ECT2L: variants seen among roughly 807,000 people sequenced by gnomAD.
The protein encoded by ECT2L is epithelial cell-transforming sequence 2 oncogene-like.
Under a neutral mutation model 122.8 loss-of-function variants are expected in ECT2L, and 126 were observed. The observed-to-expected ratio is 1.03, with a 90% CI of 0.89 to 1.19. ECT2L has a LOEUF of 1.19. ECT2L is among the 50% of genes most tolerant of loss of function. The pLI is 0.00. For missense variants in ECT2L, 1,012 were observed against 1,064.1 expected (o/e 0.95, Z 0.68); for synonymous variants, 385 against 381.8 (o/e 1.01, Z -0.10).
chr6:138,867,847 A>AAATG (rs1778101393), intron 12 of ECT2L, among the ~76,000 whole-genome samples: 2 of 151,418 alleles, frequency 1.3e-5, no homozygotes, highest in African/African-American at 2.4e-5. Context: ...ATAAATAAAT[A>AAATG]AAAGTTAAAA....
intron 4 of ECT2L, among the ~76,000 whole-genome samples, chr6:138,837,963 C>T (rs962575328): frequency 1.1e-4 from 16 of 150,980 alleles, no homozygotes; most frequent in African/African-American, 3.4e-4. Flanking sequence ...TGCAGTAGCA[C>T]GGTCTCGGCT....
chr6:138,882,610 A>G, intron 15 of ECT2L, 114 bp from the exon 16 acceptor site: 1 of 1,300,592 alleles, frequency 7.7e-7, no homozygotes, highest in Non-Finnish European at 1.1e-6. Flanking sequence ...GACTTGACCA[A>G]AACCCTACCG....
At chr6:138,894,220 C>G (rs2128413075) in intron 20 of ECT2L, among the ~76,000 whole-genome samples, 1 of 152,212 alleles carries the variant, frequency 6.6e-6, no homozygotes, top group Non-Finnish European at 1.5e-5. Flanking sequence ...CCACACCCAG[C>G]TAAGTTTTGT....
chr6:138,836,566 G>A (rs578061730), intron 4 of ECT2L, among the ~76,000 whole-genome samples: 1 of 152,104 alleles, frequency 6.6e-6, no homozygotes, highest in South Asian at 2.1e-4. Context: ...GGGATTACAG[G>A]CGTGAGCCAC....
intron 12 of ECT2L, among the ~76,000 whole-genome samples, chr6:138,865,720 C>T (rs910865678): frequency 1.3e-5 from 2 of 152,172 alleles, no homozygotes; most frequent in Admixed American, 6.5e-5. Context: ...CAATTTACTT[C>T]CTCAACTTTG....
chr6:138,885,705 A>C lies in ECT2L; in HGVS notation c.2134A>C (p.Arg712=), dbSNP rs1778798208. 1 of 1,614,068 alleles carries C rather than the reference A, an allele frequency of 6.2e-7. No homozygotes were observed. Among genetic ancestry groups the C allele is most frequent in the African/African-American group, 1.3e-5 (1 of 74,932 alleles). Reference sequence around the variant, plus strand: ...AGAGCTGCTGCTGTACCCATCCCGAAGATTTGAAGAATACCTTAATCTTCT... The same window carrying C: ...AGAGCTGCTGCTGTACCCATCCCGACGATTTGAAGAATACCTTAATCTTCT... ...LPELLLYPSR[R]FEEYLNLLYA... The change falls in exon 18 of 22, where the codon AGA becomes CGA. Residue 712 remains arginine (R), a synonymous_variant. Transcript: ENST00000541398.
At chr6:138,819,137 T>C (rs1050852423) in intron 4 of ECT2L, among the ~76,000 whole-genome samples, 1 of 152,076 alleles carries the variant, frequency 6.6e-6, no homozygotes, top group African/African-American at 2.4e-5. Flanking sequence ...ATTCTGCACA[T>C]GTTCCTGCCC....
At chr6:138,817,424 A>C (rs1323273511) in intron 4 of ECT2L, among the ~76,000 whole-genome samples, 1 of 152,246 alleles carries the variant, frequency 6.6e-6, no homozygotes, top group African/African-American at 2.4e-5. Flanking sequence ...GAAAGAAATT[A>C]GTATTATTTG....
chr6:138,873,622 C>T (rs886878611), intron 13 of ECT2L, among the ~76,000 whole-genome samples: 45 of 152,122 alleles, frequency 3.0e-4, no homozygotes, highest in African/African-American at 8.9e-4. Context: ...GGTGAAACCC[C>T]GTCTCTACTA....
At chr6:138,883,747 A>G (rs1200062554) in intron 16 of ECT2L, among the ~76,000 whole-genome samples, 1 of 152,266 alleles carries the variant, frequency 6.6e-6, no homozygotes, top group Non-Finnish European at 1.5e-5. Flanking sequence ...GCAAAGTATC[A>G]CATGGTATCA....
At chr6:138,896,054 T>A (rs527531933) in intron 20 of ECT2L, among the ~76,000 whole-genome samples, 1 of 150,118 alleles carries the variant, frequency 6.7e-6, no homozygotes, top group Non-Finnish European at 1.5e-5. Flanking sequence ...AACTTCTGTA[T>A]TATCGTTTTT....
intron 16 of ECT2L, among the ~76,000 whole-genome samples, chr6:138,884,280 T>G (rs79951515): frequency 0.021 from 3,219 of 152,316 alleles, 107 homozygotes; most frequent in African/African-American, 0.073. Context: ...GCTGACATCT[T>G]TCAGGCATGG....
chr6:138,899,889 C>T (rs764836506), intron 20 of ECT2L, among the ~76,000 whole-genome samples: 6 of 152,292 alleles, frequency 3.9e-5, no homozygotes, highest in Non-Finnish European at 7.3e-5. Flanking sequence ...CACTGCTCGG[C>T]TAGAACACTC....
intron 5 of ECT2L, among the ~76,000 whole-genome samples, chr6:138,841,060 G>A (rs9495271): frequency 0.18 from 27,587 of 151,926 alleles, 2,601 homozygotes; most frequent in East Asian, 0.25. Context: ...CATCCATTGA[G>A]TTCTAAATTT....
chr6:138,846,411 T>A, intron 7 of ECT2L, 128 bp from the exon 8 acceptor site: 1 of 759,704 alleles, frequency 1.3e-6, no homozygotes, highest in South Asian at 3.3e-5. Flanking sequence ...AAACACAGGG[T>A]GAGGCTAAGG....
intron 4 of ECT2L, among the ~76,000 whole-genome samples, chr6:138,830,579 C>T (rs1233685440): frequency 2.6e-5 from 4 of 152,222 alleles, no homozygotes; most frequent in Middle Eastern, 6.8e-3. Flanking sequence ...CTTTTAAGTC[C>T]GTATAGCTGC....
intron 20 of ECT2L, among the ~76,000 whole-genome samples, chr6:138,896,352 T>C (rs1404244113): frequency 6.6e-6 from 1 of 152,138 alleles, no homozygotes; most frequent in East Asian, 1.9e-4. Context: ...AGCCATCCAC[T>C]TCCCAGGCCA....
chr6:138,832,459 G>A (rs1776678967), intron 4 of ECT2L, among the ~76,000 whole-genome samples: 1 of 152,022 alleles, frequency 6.6e-6, no homozygotes, highest in Non-Finnish European at 1.5e-5. Flanking sequence ...GAACCCCTTG[G>A]GTTTCTTATT....
At position 138,812,739 on chromosome 6, in the gene ECT2L, A is replaced by C. The variant is rs527552869; in HGVS notation, c.-243-99A>C. 7 of 152,530 alleles carry C rather than the reference A, an allele frequency of 4.6e-5. No homozygotes were observed. The South Asian group carries it at 1.0e-3, about 23-fold the overall frequency. The allele number at this position is 152,530 out of a possible 1,614,324, so 9.4% of individuals were successfully genotyped here. ...AGAATGGATTGAACCCGGGAGGCGG[A>C]GGTTGTAGTGAGCCAAGATCGCTCC... On this transcript the variant is annotated intron_variant, in intron 1 of 21. Coordinates refer to ENST00000541398, the MANE Select transcript of ECT2L (RefSeq NM_001077706.3).
Sources: gnomAD v4.1 joint callset for allele counts (sites outside exome capture counted in the v4.1 genomes callset) on GRCh38, gnomAD v4.1.1 for gene constraint, MANE v1.5 for transcripts, NCBI Gene and HGNC (gene_info 2026-07-23, HGNC 2026-07-21) for gene names.